The following EPHX4 variants were observed in gnomAD, a reference collection of about 807,000 sequenced individuals.
EPHX4 encodes abhydrolase domain containing 7.
A neutral mutation model predicts 44.9 loss-of-function variants in EPHX4; 31 were observed. The observed-to-expected ratio is 0.69, with a 90% CI of 0.52 to 0.93. EPHX4 has a LOEUF of 0.93. EPHX4 is among the 40% of genes least tolerant of loss of function. EPHX4 has a pLI of 0.00. For synonymous variants in EPHX4, 151 were observed against 159.7 expected (o/e 0.95, Z 0.41); for missense variants, 373 against 438.1 (o/e 0.85, Z 1.33).
At chr1:92,031,526 A>G (rs1406560410) in intron 1 of EPHX4, among the ~76,000 whole-genome samples, 2 of 152,178 alleles carry the variant, frequency 1.3e-5, no homozygotes, top group Admixed American at 1.3e-4. Flanking sequence ...GAGTTAGGAC[A>G]AGATGGAGAT....
chr1:92,030,242 G>T lies in EPHX4; in HGVS notation c.163G>T (p.Ala55Ser). 1 of 1,602,988 alleles carries T rather than the reference G, an allele frequency of 6.2e-7. No homozygotes were observed. The highest frequency in any genetic ancestry group is 8.5e-7 in the Non-Finnish European group (1 of 1,175,058). The change falls in exon 1 of 7, where the codon GCC becomes TCC. Residue 55 changes from alanine (A) to serine (S), a missense_variant. By Grantham distance (99) the Ala-to-Ser change is moderately conservative. Coordinates refer to ENST00000370383, the MANE Select transcript of EPHX4 (RefSeq NM_173567.5). ...GCCGGCGCAGACCTTCCGGCGGCCC[G>T]CCCGGGAGCACCCTCCCGCGTGCCT... Reference protein sequence around the residue: ...KGPAQTFRRPAREHPPACLSD... With the variant: ...KGPAQTFRRPSREHPPACLSD...
intron 4 of EPHX4, among the ~76,000 whole-genome samples, chr1:92,046,510 C>T (rs999764860): frequency 6.6e-6 from 1 of 152,202 alleles, no homozygotes; most frequent in Non-Finnish European, 1.5e-5. Context: ...GTCGCCCAGG[C>T]TGGAGTGCAG....
At chr1:92,038,821 A>G (rs1026268520) in intron 2 of EPHX4, among the ~76,000 whole-genome samples, 1 of 152,132 alleles carries the variant, frequency 6.6e-6, no homozygotes, top group African/African-American at 2.4e-5. Context: ...CTATTTGTTC[A>G]CCTATTTCAA....
intron 6 of EPHX4, among the ~76,000 whole-genome samples, chr1:92,054,828 A>G (rs1470623781): frequency 6.6e-6 from 1 of 152,106 alleles, no homozygotes; most frequent in Non-Finnish European, 1.5e-5. Context: ...CTAGAAGTCT[A>G]TAGATGAGTT....
intron 4 of EPHX4, among the ~76,000 whole-genome samples, chr1:92,047,834 C>A (rs1409523398): frequency 6.6e-6 from 1 of 152,100 alleles, no homozygotes; most frequent in Non-Finnish European, 1.5e-5. Flanking sequence ...ATAGTTTTGA[C>A]CACCTGGATA....
rs148757963 is a variant in EPHX4, at chr1:92,052,157, A to C, written c.709-353A>C. Among the ~76,000 whole-genome samples, 34 of 152,238 alleles carry C rather than the reference A, an allele frequency of 2.2e-4. No homozygotes were observed. The East Asian group carries it at 6.2e-3, about 28-fold the overall frequency. ...TTAGTCAGTGATAGCTTGCCTCCTCAATGCCCTGGGCTTATCTTTTATTTC... is the reference window on the plus strand; with the variant it reads ...TTAGTCAGTGATAGCTTGCCTCCTCCATGCCCTGGGCTTATCTTTTATTTC... On this transcript the variant is annotated intron_variant, in intron 5 of 6. Transcript: ENST00000370383.
At chr1:92,045,027 A>C (rs547855266) in intron 3 of EPHX4, among the ~76,000 whole-genome samples, 1 of 152,068 alleles carries the variant, frequency 6.6e-6, no homozygotes, top group Non-Finnish European at 1.5e-5. Flanking sequence ...CAGTGGCATG[A>C]TCATGGCTCA....
intron 2 of EPHX4, among the ~76,000 whole-genome samples, chr1:92,039,569 A>G (rs1313524529): frequency 6.6e-6 from 1 of 152,224 alleles, no homozygotes; most frequent in Non-Finnish European, 1.5e-5. Flanking sequence ...TAAGGAAACA[A>G]GCTACTTTAT....
At chr1:92,052,411 T>C in intron 5 of EPHX4, 99 bp from the exon 6 acceptor site, 1 of 1,150,500 alleles carries the variant, frequency 8.7e-7, no homozygotes, top group Non-Finnish European at 1.2e-6. Flanking sequence ...TTAGGAGTTG[T>C]CACCACACAA....
At chr1:92,034,976 C>G (rs542612888) in intron 2 of EPHX4, among the ~76,000 whole-genome samples, 27 of 152,160 alleles carry the variant, frequency 1.8e-4, no homozygotes, top group African/African-American at 6.3e-4. Flanking sequence ...GTGAAAGGGA[C>G]TTTATGAATA....
intron 4 of EPHX4, among the ~76,000 whole-genome samples, chr1:92,047,669 G>A: frequency 6.6e-6 from 1 of 152,172 alleles, no homozygotes; most frequent in Non-Finnish European, 1.5e-5. Context: ...AGTGTGTGGT[G>A]GTGAAGAATA....
At chr1:92,043,144 A>G in intron 3 of EPHX4, 164 bp downstream of exon 3, 1 of 557,248 alleles carries the variant, frequency 1.8e-6, no homozygotes, top group East Asian at 3.1e-5. Flanking sequence ...CTGTACAGGA[A>G]ATTTAAAATG....
intron 5 of EPHX4, among the ~76,000 whole-genome samples, chr1:92,052,183 C>CT (rs1409110914): frequency 6.6e-6 from 1 of 152,104 alleles, no homozygotes; most frequent in African/African-American, 2.4e-5. Flanking sequence ...CTTTTATTTC[C>CT]TGCCCAGAAG....
At chr1:92,045,292 ATT>A in intron 3 of EPHX4, among the ~76,000 whole-genome samples, 1 of 144,112 alleles carries the variant, frequency 6.9e-6, no homozygotes, top group East Asian at 2.0e-4. Flanking sequence ...CCTATTTCAG[ATT>A]TTTTTTTTTT....
At chr1:92,052,751 C>G in intron 6 of EPHX4, 93 bp downstream of exon 6, 4 of 1,131,560 alleles carry the variant, frequency 3.5e-6, no homozygotes, top group Non-Finnish European at 4.8e-6. Context: ...CACCACTTAT[C>G]CAAAGACTCA....
At position 92,052,502 on chromosome 1, in the gene EPHX4, T is replaced by C; in HGVS notation, c.709-8T>C. 1.9e-6 allele frequency: 3 copies of C among 1,586,726 alleles called. No homozygotes were observed. The South Asian group carries it at 3.5e-5, about 19-fold the overall frequency. On this transcript the variant is annotated splice_polypyrimidine_tract_variant and splice_region_variant and intron_variant, in intron 5 of 6. Coordinates refer to ENST00000370383, the MANE Select transcript of EPHX4 (RefSeq NM_173567.5). ...AAGTTTTAATTATTGTTTTCTCACT[T>C]AAATTAGGTTTTGAAACATCTGTTT...
At chr1:92,058,612 G>A (rs1354297446) in intron 6 of EPHX4, among the ~76,000 whole-genome samples, 2 of 152,034 alleles carry the variant, frequency 1.3e-5, no homozygotes, top group African/African-American at 4.8e-5. Flanking sequence ...AGAGAGGTGG[G>A]ATAAGCCTGC....
chr1:92,034,384 G>A (rs1389468277), intron 2 of EPHX4, among the ~76,000 whole-genome samples: 4 of 150,884 alleles, frequency 2.7e-5, no homozygotes, highest in Non-Finnish European at 4.4e-5. Flanking sequence ...ATAAGAAATA[G>A]TTCATAAACT....
At chr1:92,038,216 T>C (rs1688467384) in intron 2 of EPHX4, among the ~76,000 whole-genome samples, 3 of 152,244 alleles carry the variant, frequency 2.0e-5, no homozygotes, top group South Asian at 2.1e-4. Context: ...CAATTCTAAA[T>C]GTAAAATGTT....
Sources: gnomAD v4.1 joint callset for allele counts (sites outside exome capture counted in the v4.1 genomes callset) on GRCh38, gnomAD v4.1.1 for gene constraint, MANE v1.5 for transcripts, NCBI Gene and HGNC (gene_info 2026-07-23, HGNC 2026-07-21) for gene names.